Variants in TTN observed in about 807,000 individuals in gnomAD.
TTN encodes titin, also known as connectin.
A neutral mutation model predicts 3,223.0 loss-of-function variants in TTN; 1,525 were observed. The ratio of observed to expected loss-of-function variants is 0.47; its 90% CI spans 0.45 to 0.49. The LOEUF is 0.49. TTN is among the 20% of genes least tolerant of loss of function. TTN has a pLI of 0.00. For synonymous variants in TTN, 14,094 were observed against 15,161.0 expected (o/e 0.93, Z 5.17); for missense variants, 40,786 against 43,424.0 (o/e 0.94, Z 5.40).
chr2:178,634,231 G>C lies in TTN; in HGVS notation c.42415+135C>G. 1.4e-6 allele frequency: 2 copies of C among 1,477,718 alleles called. No individual in the cohort carries two copies. The highest frequency in any genetic ancestry group is 1.8e-6 in the Non-Finnish European group (2 of 1,114,996). 91.5% of individuals were successfully genotyped at this position (1,477,718 alleles called of 1,614,324 possible). A position where few individuals can be genotyped will look rare whatever the true frequency, so the allele number is the denominator to read the frequency against. On this transcript the variant is annotated intron_variant, in intron 230 of 362. Coordinates refer to ENST00000589042, the MANE Select transcript of TTN (RefSeq NM_001267550.2). This position sits in a 1 kb window ranked among gnomAD's most constrained non-coding sequence, Gnocchi z 4.6. ...AGAGCTCCACTAAAAACAAATTAAGGGGGGTTGTTTTGGTAACACTGTGAA... is the reference window on the plus strand; with the variant it reads ...AGAGCTCCACTAAAAACAAATTAAGCGGGGTTGTTTTGGTAACACTGTGAA...
Position 178,586,756 on chromosome 2 carries a change from CTG to C in TTN, c.64143_64144del (p.Asn21381LysfsTer12). 6.2e-7 allele frequency: 1 copy of C among 1,613,026 alleles called. No homozygotes were observed. Among genetic ancestry groups the C allele is most frequent in the South Asian group, 1.1e-5 (1 of 91,046 alleles). On this transcript the variant is annotated frameshift_variant, in exon 308 of 363. Coordinates refer to ENST00000589042, the MANE Select transcript of TTN (RefSeq NM_001267550.2). LOFTEE classifies it high-confidence loss of function. ...GGGAGGTAACCAGGCTAAGGTGGCA[CTG>C]TTCTTGGTCATTTCAGTCACTTCTA... is the stretch of plus-strand genomic sequence containing the variant.
rs1175960559 is a variant in TTN at position 178,560,581 on chromosome 2, T to C, written c.85551A>G (p.Lys28517=). Residue 28517 remains lysine, a synonymous_variant, in exon 326 of 363, where the codon AAA becomes AAG. Coordinates refer to ENST00000589042, the MANE Select transcript of TTN (RefSeq NM_001267550.2). The part of the protein sequence containing the change: ...MTSCKVTKLL[K]GNEYIFRVTG... ...TTACTCTAAATATATATTCATTGCC[T>C]TTGAGTAACTTGGTTACTTTACAGG... 6.2e-7 allele frequency: 1 copy of C among 1,613,392 alleles called. No homozygotes were observed. The highest frequency in any genetic ancestry group is 8.5e-7 in the Non-Finnish European group (1 of 1,179,724).
chr2:178,605,011 G>C lies in TTN; in HGVS notation c.54166C>G (p.Arg18056Gly). Residue 18056 changes from arginine to glycine, a missense_variant, in exon 280 of 363, where the codon CGA becomes GGA. Arg to Gly is a moderately radical substitution (Grantham distance 125). Coordinates refer to ENST00000589042, the MANE Select transcript of TTN (RefSeq NM_001267550.2). The part of the protein sequence containing the change: ...TASNRLGSVF[R>G]NVHVEVYDRP... ...CCATATACTTCAACGTGAACATTTC[G>C]GAACACTGAGCCAAGGCGATTGGAA... The C allele has an allele frequency of 6.2e-7, 1 of 1,600,500 alleles. No homozygotes were observed. The highest frequency in any genetic ancestry group is 1.1e-5 in the South Asian group (1 of 89,188).
At position 178,621,742 on chromosome 2, in the gene TTN, C is replaced by T. The variant is rs1478618005; in HGVS notation, c.45083-1G>A. 1 of 1,610,054 alleles carries T rather than the reference C, an allele frequency of 6.2e-7. No homozygotes were observed. Among genetic ancestry groups the T allele is most frequent in the Admixed American group, 1.7e-5 (1 of 59,408 alleles). Reference sequence around the variant, plus strand: ...TTTTTGGTAAAGACAGCTTCTTCTTCTGCAAGCATTGAAAAAACAAAAACC... The same window carrying T: ...TTTTTGGTAAAGACAGCTTCTTCTTTTGCAAGCATTGAAAAAACAAAAACC... On this transcript the variant is annotated splice_acceptor_variant, in intron 244 of 362. Transcript: ENST00000589042. LOFTEE classifies it high-confidence loss of function.
intron 208 of TTN, 79 bp downstream of exon 208, chr2:178,651,164 C>A: frequency 1.6e-6 from 2 of 1,226,472 alleles, no homozygotes; most frequent in Non-Finnish European, 2.3e-6. Flanking sequence ...AGAGGACTCG[C>A]AAACAAAAGG....
chr2:178,528,316 A>C lies in TTN; in HGVS notation c.107335T>G (p.Phe35779Val). The C allele has an allele frequency of 1.2e-6, 2 of 1,613,898 alleles. No individual in the cohort carries two copies. Among genetic ancestry groups the C allele is most frequent in the Non-Finnish European group, 1.7e-6 (2 of 1,179,836 alleles). The change falls in exon 361 of 363, where the codon TTC becomes GTC. Residue 35779 changes from phenylalanine (F) to valine (V), a missense_variant. Physicochemically the swap from Phe to Val is conservative, Grantham distance 50 (BLOSUM62 -1). Coordinates refer to ENST00000589042, the MANE Select transcript of TTN (RefSeq NM_001267550.2). Reference sequence around the variant, plus strand: ...GCTGTAGCTGAACACTGGCCACGGAAATTTTTGGCCTTAATTGTGTACTTT... The same window carrying C: ...GCTGTAGCTGAACACTGGCCACGGACATTTTTGGCCTTAATTGTGTACTTT... ...SGKYTIKAKN[F>V]RGQCSATASL... is the part of the protein sequence containing the mutation.
rs1166582202 is a variant in TTN, at chr2:178,548,065, C to G, written c.93561G>C (p.Lys31187Asn). The change falls in exon 339 of 363, where the codon AAG becomes AAC. Residue 31187 changes from lysine to asparagine, a missense_variant. Transcript: ENST00000589042. The surrounding 1 kb of genome is among the most constrained non-coding windows in gnomAD (Gnocchi z 4.3). ...VEKTEYEFRV[K>N]AKNDAGYSEP... ...CACTATAGCCAGCATCATTCTTGGC[C>G]TTCACACGGAATTCATATTCAGTTT... 1 of 1,613,708 alleles carries G rather than the reference C, an allele frequency of 6.2e-7. No homozygotes were observed. Among genetic ancestry groups the G allele is most frequent in the Non-Finnish European group, 8.5e-7 (1 of 1,179,822 alleles).
Position 178,683,228 on chromosome 2 carries a change from T to A in TTN, c.32870A>T (p.Glu10957Val), listed in dbSNP as rs1353144159. The change falls in exon 134 of 363, where the codon GAA becomes GTA. Residue 10957 changes from glutamate to valine, a missense_variant. Transcript: ENST00000589042. ...EKVSIEAPKREPQPIKEVTIM... is the reference protein window; with the variant it reads ...EKVSIEAPKRVPQPIKEVTIM... Reference sequence around the variant, plus strand: ...CAATATACCTTTGATGGGTTGAGGTTCTCTTTTTGGAGCTTCAATTGATAC... The same window carrying A: ...CAATATACCTTTGATGGGTTGAGGTACTCTTTTTGGAGCTTCAATTGATAC... 5 of 1,552,312 alleles carry A rather than the reference T, an allele frequency of 3.2e-6. No homozygotes were observed. The highest frequency in any genetic ancestry group is 4.4e-6 in the Non-Finnish European group (5 of 1,145,766).
chr2:178,744,685 C>A (rs1395654272), intron 47 of TTN: 1 of 972,092 alleles, frequency 1.0e-6, no homozygotes, highest in African/African-American at 1.8e-5. Context: ...CTAAAAATAT[C>A]CCACCTTTTT....
rs1560764364 is a variant in TTN, at chr2:178,728,772, G to A, written c.19154C>T (p.Ala6385Val). 1 of 1,598,302 alleles carries A rather than the reference G, an allele frequency of 6.3e-7. No homozygotes were observed. The highest frequency in any genetic ancestry group is 8.6e-7 in the Non-Finnish European group (1 of 1,167,982). The change falls in exon 66 of 363, where the codon GCT becomes GTT. Residue 6385 changes from alanine to valine, a missense_variant. Physicochemically the swap from Ala to Val is moderately conservative, Grantham distance 64 (BLOSUM62 0). Coordinates refer to ENST00000589042, the MANE Select transcript of TTN (RefSeq NM_001267550.2). ...CYAFLLVQEP[A>V]QIVEKAKSVD... The stretch of plus-strand genomic sequence containing the variant: ...TGATTTAGCTTTCTCTACGATTTGA[G>A]CTGGTTCTGTAGTAAAAATGAAAAT...
intron 59 of TTN, 27 bp from the exon 60 acceptor site, chr2:178,731,230 G>A: frequency 6.2e-7 from 1 of 1,611,134 alleles, no homozygotes; most frequent in Non-Finnish European, 8.5e-7. Flanking sequence ...GATAGATGTG[G>A]GTTGTGCATT....
rs772882862 is a variant in TTN, at chr2:178,693,979, T to A, written c.31456A>T (p.Ile10486Phe). The A allele has an allele frequency of 6.1e-5, 98 of 1,612,438 alleles. No individual in the cohort carries two copies. The highest frequency in any genetic ancestry group is 7.6e-5 in the Non-Finnish European group (90 of 1,179,142). Residue 10486 changes from isoleucine to phenylalanine, a missense_variant, in exon 118 of 363, where the codon ATT becomes TTT. Physicochemically the swap from Ile to Phe is conservative, Grantham distance 21. Transcript: ENST00000589042. Reference sequence around the variant, plus strand: ...GCAAAGAACATCTTTTCTTCTGAAATAACCATCTTCTTTGTATGCACAGCT... The same window carrying A: ...GCAAAGAACATCTTTTCTTCTGAAAAAACCATCTTCTTTGTATGCACAGCT... ...VPAVHTKKMV[I>F]SEEKMFFASH...
Position 178,544,326 on chromosome 2 carries a change from G to A in TTN, c.95903C>T (p.Thr31968Ile). 6.2e-7 allele frequency: 1 copy of A among 1,613,712 alleles called. No individual in the cohort carries two copies. Among genetic ancestry groups the A allele is most frequent in the Non-Finnish European group, 8.5e-7 (1 of 1,179,716 alleles). ...RVHTNATIRN[T>I]EFTVPDLKMG... is the part of the protein sequence containing the mutation. ...TTTAAGGTCTGGCACAGTGAATTCA[G>A]TATTTCTTATTGTGGCATTGGTATG... The change falls in exon 345 of 363, where the codon ACT becomes ATT. Residue 31968 changes from threonine to isoleucine, a missense_variant. Thr to Ile is a moderately conservative substitution (Grantham distance 89, BLOSUM62 -1). Transcript: ENST00000589042.
At chr2:178,638,049 C>A (rs1358447970) in intron 223 of TTN, among the ~76,000 whole-genome samples, 6 of 151,862 alleles carry the variant, frequency 4.0e-5, no homozygotes, top group African/African-American at 1.4e-4. Context: ...TAGCTTCAGC[C>A]CCCAGGATAA....
intron 1 of TTN, among the ~76,000 whole-genome samples, chr2:178,806,768 A>C (rs2094337524): frequency 6.6e-6 from 1 of 152,196 alleles, no homozygotes; most frequent in Non-Finnish European, 1.5e-5. Context: ...CCTGCAACTG[A>C]TACCTCAGCA....
Position 178,729,168 on chromosome 2 carries a change from T to C in TTN, c.18870A>G (p.Glu6290=), listed in dbSNP as rs777577096. The C allele has an allele frequency of 1.3e-5, 20 of 1,574,898 alleles. No homozygotes were observed. Among genetic ancestry groups the C allele is most frequent in the East Asian group, 6.7e-5 (3 of 44,476 alleles). The change falls in exon 65 of 363, where the codon GAA becomes GAG. Residue 6290 remains glutamate (E), a splice_region_variant and synonymous_variant. Coordinates refer to ENST00000589042, the MANE Select transcript of TTN (RefSeq NM_001267550.2). ...CSCSTRVALK[E]PPSFIKKIEN... ...CTATCTTCTTAATGAATGATGGTGG[T>C]TCTGTGATTAAATAAGAGAGTGTGA...
chr2:178,726,102 AT>A (rs1435083533), intron 69 of TTN, 56 bp from the exon 70 acceptor site: 6 of 1,486,236 alleles, frequency 4.0e-6, no homozygotes, highest in Non-Finnish European at 4.5e-6. Context: ...CAAAATGAAA[AT>A]TTTTTATTTG....
rs1055347946 is a variant in TTN at position 178,704,039 on chromosome 2, C to T, written c.30223+108G>A. Reference sequence around the variant, plus strand: ...GAGAACGTGTGTTGGGAAATAAGAACACATGACCACTTTGGTGTGTGTCTA... The same window carrying T: ...GAGAACGTGTGTTGGGAAATAAGAATACATGACCACTTTGGTGTGTGTCTA... On this transcript the variant is annotated intron_variant, in intron 106 of 362. Transcript: ENST00000589042. The T allele has an allele frequency of 5.7e-6, 8 of 1,407,526 alleles. No individual in the cohort carries two copies. The African/African-American group carries it at 8.6e-5, about 15-fold the overall frequency. 87.2% of individuals were successfully genotyped at this position (1,407,526 alleles called of 1,614,324 possible). A position where few individuals can be genotyped will look rare whatever the true frequency, so the allele number is the denominator to read the frequency against.
intron 52 of TTN, 81 bp downstream of exon 52, chr2:178,734,247 A>G: frequency 6.9e-7 from 1 of 1,456,154 alleles, no homozygotes. Flanking sequence ...ACAAGAGAAG[A>G]AAGTACCAGT....
Sources: allele counts gnomAD v4.1 joint callset (sites outside exome capture counted in the v4.1 genomes callset), GRCh38; gene constraint gnomAD v4.1.1; non-coding constraint Gnocchi (gnomAD v3.1); transcripts MANE v1.5; gene names NCBI Gene and HGNC (gene_info 2026-07-23, HGNC 2026-07-21).